The following ARHGAP42 variants were observed in gnomAD, a reference collection of about 807,000 sequenced individuals.
The protein encoded by ARHGAP42 is rho GTPase-activating protein 42.
A neutral mutation model predicts 125.0 loss-of-function variants in ARHGAP42; 63 were observed. That is an observed-to-expected ratio of 0.50 (90% CI 0.41 to 0.62). The LOEUF (loss-of-function observed/expected upper bound fraction) is 0.62, where lower values mean the gene tolerates loss of function less well. ARHGAP42 is among the 20% of genes least tolerant of loss of function. ARHGAP42 has a pLI of 0.00. For synonymous variants in ARHGAP42, 339 were observed against 351.0 expected, an observed-to-expected ratio of 0.97 and a Z score of 0.38; for missense variants, 766 against 1,024.2, an observed-to-expected ratio of 0.75 and a Z score of 3.44.
intron 1 of ARHGAP42, among the ~76,000 whole-genome samples, chr11:100,727,664 G>GGA (rs1439631596): frequency 6.6e-6 from 1 of 152,166 alleles, no homozygotes; most frequent in African/African-American, 2.4e-5. Flanking sequence ...CCACGTGCTG[G>GGA]GAGGGTGGAG....
chr11:100,790,407 G>A (rs917047883), intron 2 of ARHGAP42, among the ~76,000 whole-genome samples: 5 of 152,056 alleles, frequency 3.3e-5, no homozygotes, highest in Admixed American at 2.0e-4. Flanking sequence ...GAAACCAATG[G>A]TAATGTTCTT....
chr11:100,954,169 G>T (rs1857739929), intron 12 of ARHGAP42, among the ~76,000 whole-genome samples: 2 of 152,094 alleles, frequency 1.3e-5, no homozygotes, highest in South Asian at 4.1e-4. Context: ...TGAGTTTTGT[G>T]TGATGGCTTC....
chr11:100,917,345 T>C (rs1283083731), intron 5 of ARHGAP42, among the ~76,000 whole-genome samples: 3 of 152,090 alleles, frequency 2.0e-5, no homozygotes, highest in Admixed American at 1.3e-4. Flanking sequence ...CCCTGAAACC[T>C]CTTCTACTTT....
intron 6 of ARHGAP42, among the ~76,000 whole-genome samples, chr11:100,931,650 A>C (rs1867585381): frequency 6.6e-6 from 1 of 152,216 alleles, no homozygotes. Context: ...AACATGAAAC[A>C]ATACTTCCTT....
chr11:100,868,285 G>C (rs1865619731), intron 4 of ARHGAP42, among the ~76,000 whole-genome samples: 4 of 152,102 alleles, frequency 2.6e-5, no homozygotes. Flanking sequence ...TTTACTTGTA[G>C]TTCCCTTTGT....
intron 3 of ARHGAP42, among the ~76,000 whole-genome samples, chr11:100,834,205 C>T (rs1565233942): frequency 6.6e-6 from 1 of 152,166 alleles, no homozygotes; most frequent in Non-Finnish European, 1.5e-5. Flanking sequence ...GGTTAAATTA[C>T]AAGCTCAGTC....
chr11:100,740,692 G>A (rs1157585015), intron 1 of ARHGAP42, among the ~76,000 whole-genome samples: 1 of 152,158 alleles, frequency 6.6e-6, no homozygotes, highest in Non-Finnish European at 1.5e-5. Context: ...ATAAAGCGAT[G>A]GGGTAGGTAC....
chr11:100,970,458 T>C lies in ARHGAP42; in HGVS notation c.1551-2717T>C, dbSNP rs554711734. Among the ~76,000 whole-genome samples the C allele has an allele frequency of 5.5e-4, 83 of 152,252 alleles. 1 individual carries two copies. Among genetic ancestry groups the C allele is most frequent in the Admixed American group, 2.6e-3 (40 of 15,286 alleles). ...TATTTCCTTAGGTGATCTATAAATA[T>C]GTCTGCTTCATTTGGTATCACATCC... On this transcript the variant is annotated intron_variant, in intron 17 of 23. Coordinates refer to ENST00000298815, the MANE Select transcript of ARHGAP42 (RefSeq NM_152432.4).
chr11:100,895,473 C>T (rs1055996821), intron 4 of ARHGAP42, among the ~76,000 whole-genome samples: 6 of 147,644 alleles, frequency 4.1e-5, no homozygotes, highest in Non-Finnish European at 7.5e-5. Flanking sequence ...TTTCCCAGAA[C>T]TATTCTTATA....
chr11:100,903,663 G>T (rs1392184795), intron 4 of ARHGAP42, among the ~76,000 whole-genome samples: 1 of 136,924 alleles, frequency 7.3e-6, no homozygotes, highest in East Asian at 2.1e-4. Flanking sequence ...GTATTAGTCA[G>T]GGTTCTCTTA....
At chr11:100,984,996 T>C (rs1477983786) in intron 22 of ARHGAP42, among the ~76,000 whole-genome samples, 2 of 152,184 alleles carry the variant, frequency 1.3e-5, no homozygotes, top group Non-Finnish European at 1.5e-5. Flanking sequence ...CACAGATAAT[T>C]GAAAAGTCAT....
chr11:100,959,823 A>G (rs1335702942), intron 12 of ARHGAP42, 60 bp from the exon 13 acceptor site: 1 of 1,477,248 alleles, frequency 6.8e-7, no homozygotes, highest in Non-Finnish European at 9.3e-7. Context: ...AACAGAGCCA[A>G]CTGAAGGGGG....
At chr11:100,817,394 T>C (rs1399134875) in intron 3 of ARHGAP42, among the ~76,000 whole-genome samples, 1 of 152,156 alleles carries the variant, frequency 6.6e-6, no homozygotes, top group Non-Finnish European at 1.5e-5. Flanking sequence ...TATAATTAGT[T>C]GGGGGTACTT....
At chr11:100,807,075 T>C (rs1429259872) in intron 3 of ARHGAP42, among the ~76,000 whole-genome samples, 1 of 152,168 alleles carries the variant, frequency 6.6e-6, no homozygotes, top group African/African-American at 2.4e-5. Context: ...CTCGAACTCC[T>C]GACCTCAGGT....
At chr11:100,860,032 T>C (rs1351278829) in intron 4 of ARHGAP42, 1 of 152,992 alleles carries the variant, frequency 6.5e-6, no homozygotes, top group Non-Finnish European at 1.5e-5. Flanking sequence ...TGAAAAAATT[T>C]AGAAATGTTT....
chr11:100,687,941 T>C (rs1861115081), intron 1 of ARHGAP42, 109 bp downstream of exon 1: 17 of 1,289,894 alleles, frequency 1.3e-5, no homozygotes, highest in South Asian at 1.6e-5. Context: ...TTGAATGGAT[T>C]TGGGGACAAA....
At chr11:100,788,240 G>A (rs541228881) in intron 2 of ARHGAP42, among the ~76,000 whole-genome samples, 1 of 152,250 alleles carries the variant, frequency 6.6e-6, no homozygotes, top group South Asian at 2.1e-4. Flanking sequence ...TAATTTAAAT[G>A]CAAGATTTCA....
At chr11:100,841,279 G>A (rs1001947931) in intron 3 of ARHGAP42, among the ~76,000 whole-genome samples, 4 of 151,920 alleles carry the variant, frequency 2.6e-5, no homozygotes, top group African/African-American at 9.7e-5. Context: ...TACTTGTTGA[G>A]TTATTGACAG....
At chr11:100,762,570 A>G (rs185635271) in intron 1 of ARHGAP42, among the ~76,000 whole-genome samples, 4 of 152,310 alleles carry the variant, frequency 2.6e-5, no homozygotes, top group Admixed American at 2.0e-4. Flanking sequence ...CTTAATGAAG[A>G]CCGATTTTTA....
Sources: allele counts gnomAD v4.1 joint callset (sites outside exome capture counted in the v4.1 genomes callset), GRCh38; gene constraint gnomAD v4.1.1; transcripts MANE v1.5; gene names NCBI Gene and HGNC (gene_info 2026-07-23, HGNC 2026-07-21).